Variants in TTLL6 observed in about 807,000 individuals in gnomAD.
TTLL6 encodes tubulin polyglutamylase TTLL6.
TTLL6 carries 75 observed loss-of-function variants against 96.4 expected under a neutral mutation model. The ratio of observed to expected loss-of-function variants is 0.78; its 90% CI spans 0.65 to 0.94. The LOEUF (loss-of-function observed/expected upper bound fraction) is 0.94, where lower values mean the gene tolerates loss of function less well. TTLL6 is among the 40% of genes least tolerant of loss of function. TTLL6 has a pLI of 0.00. For missense variants in TTLL6, 1,030 were observed against 1,093.0 expected, an observed-to-expected ratio of 0.94 and a Z score of 0.81; for synonymous variants, 411 against 419.4, an observed-to-expected ratio of 0.98 and a Z score of 0.24.
chr17:48,770,626 C>T (rs1470481458), intron 13 of TTLL6, among the ~76,000 whole-genome samples: 1 of 151,924 alleles, frequency 6.6e-6, no homozygotes, highest in Non-Finnish European at 1.5e-5. Flanking sequence ...AAGCAATCCT[C>T]CCACCTCAGT....
chr17:48,812,065 C>G lies in TTLL6; in HGVS notation c.103+4905G>C, dbSNP rs1433020435. 2 of 9,746 alleles carry G rather than the reference C, an allele frequency of 2.1e-4. 1 individual carries two copies. The highest frequency in any genetic ancestry group is 1.2e-3 in the Admixed American group (2 of 1,662). The allele number at this position is 9,746 out of a possible 1,614,324, so 0.6% of individuals were successfully genotyped here. A position where few individuals can be genotyped will look rare whatever the true frequency, so the allele number is the denominator to read the frequency against. ...AAATCTGACCCAGGTGATGCTGGGACCCCCCCCCCCACCCCCCGCTCAGAC... is the reference window on the plus strand; with the variant it reads ...AAATCTGACCCAGGTGATGCTGGGAGCCCCCCCCCCACCCCCCGCTCAGAC... On this transcript the variant is annotated intron_variant, in intron 1 of 15. Coordinates refer to ENST00000393382, the MANE Select transcript of TTLL6 (RefSeq NM_001130918.3).
chr17:48,817,185 T>G lies in TTLL6; in HGVS notation c.-113A>C. On this transcript the variant is annotated 5_prime_UTR_variant, in exon 1 of 16. Transcript: ENST00000393382. ...GCCTTCGATTGGCCCCTGCAGTAGC[T>G]GCCATGCCCCCTCCCTCCCGAATCC... 1.6e-6 allele frequency: 1 copy of G among 643,996 alleles called. No homozygotes were observed. Among genetic ancestry groups the G allele is most frequent in the Non-Finnish European group, 2.5e-6 (1 of 407,742 alleles). The allele number at this position is 643,996 out of a possible 1,614,324, so 39.9% of individuals were successfully genotyped here.
intron 1 of TTLL6, chr17:48,812,103 G>C (rs1297122196): frequency 8.3e-6 from 1 of 121,024 alleles, no homozygotes; most frequent in Non-Finnish European, 1.6e-5. Flanking sequence ...TTCAGATGTG[G>C]ACTTTATTTG....
intron 9 of TTLL6, among the ~76,000 whole-genome samples, chr17:48,790,760 G>A (rs1223865229): frequency 6.6e-6 from 1 of 152,202 alleles, no homozygotes; most frequent in African/African-American, 2.4e-5. Flanking sequence ...CCACCCCAGA[G>A]TCTGACCTGT....
intron 13 of TTLL6, among the ~76,000 whole-genome samples, chr17:48,771,645 A>G (rs769859922): frequency 6.7e-6 from 1 of 148,256 alleles, no homozygotes; most frequent in African/African-American, 2.5e-5. Context: ...TATATATATA[A>G]AATGTGTATA....
chr17:48,790,041 C>G lies in TTLL6; in HGVS notation c.1290G>C (p.Leu430=), dbSNP rs777826279. The G allele has an allele frequency of 5.0e-6, 8 of 1,614,104 alleles. No individual in the cohort carries two copies. Among genetic ancestry groups the G allele is most frequent in the African/African-American group, 1.3e-5 (1 of 74,942 alleles). ...RLDKEVKDGL[L]YDTLVLINLE... ...GGTTGATCAGGACTAAGGTGTCATA[C>G]AGCAGACCATCTTTCACCTCTTTAT... Residue 430 remains leucine (L), a synonymous_variant, in exon 10 of 16, where the codon CTG becomes CTC. Coordinates refer to ENST00000393382, the MANE Select transcript of TTLL6 (RefSeq NM_001130918.3).
intron 1 of TTLL6, among the ~76,000 whole-genome samples, 194 bp downstream of exon 1, chr17:48,816,776 G>T (rs567310550): frequency 6.6e-6 from 1 of 152,096 alleles, no homozygotes; most frequent in Non-Finnish European, 1.5e-5. Flanking sequence ...GACTGAGAAG[G>T]GGGGAGTCCC....
chr17:48,769,801 C>T lies in TTLL6; in HGVS notation c.2337G>A (p.Lys779=), dbSNP rs2038697835. Residue 779 remains lysine (K), a synonymous_variant, in exon 14 of 16, where the codon AAG becomes AAA. Transcript: ENST00000393382. ...AGGAGAGCTTCCCACTCAGTTGAAG[C>T]TTGGTGAGTAGCTCGGATATCAAAT... ...KPHLISELLT[K]LQLSGKLSFF... is the part of the protein sequence containing the mutation. 1.2e-6 allele frequency: 2 copies of T among 1,614,224 alleles called. No homozygotes were observed. The highest frequency in any genetic ancestry group is 1.7e-6 in the Non-Finnish European group (2 of 1,180,046).
At chr17:48,787,779 C>T (rs956583940) in intron 11 of TTLL6, 32 bp downstream of exon 11, 24 of 1,597,338 alleles carry the variant, frequency 1.5e-5, no homozygotes, top group Admixed American at 3.4e-5. Flanking sequence ...CCCAGAACCC[C>T]TCCACCGACC....
intron 13 of TTLL6, among the ~76,000 whole-genome samples, chr17:48,778,219 G>A (rs2038916526): frequency 6.7e-6 from 1 of 150,170 alleles, no homozygotes; most frequent in Non-Finnish European, 1.5e-5. Context: ...AGAGGTTGTA[G>A]TAAGCCAAGA....
At chr17:48,771,244 T>C (rs551865557) in intron 13 of TTLL6, among the ~76,000 whole-genome samples, 24 of 152,258 alleles carry the variant, frequency 1.6e-4, no homozygotes, top group South Asian at 1.2e-3. Flanking sequence ...CAATAAAAAA[T>C]AGCACTGGAG....
At chr17:48,767,010 G>A (rs376676087) in intron 15 of TTLL6, among the ~76,000 whole-genome samples, 4 of 152,248 alleles carry the variant, frequency 2.6e-5, no homozygotes. Flanking sequence ...GCGCAGTGGC[G>A]TGATCTCGGC....
chr17:48,808,374 A>ATATGTG (rs150374619), intron 1 of TTLL6, among the ~76,000 whole-genome samples: 1 of 148,612 alleles, frequency 6.7e-6, no homozygotes, highest in Non-Finnish European at 1.5e-5. Flanking sequence ...TCTCATATGT[A>ATATGTG]TGTGTGTGTG....
intron 3 of TTLL6, among the ~76,000 whole-genome samples, chr17:48,802,106 GAAA>G (rs1856531723): frequency 1.2e-5 from 1 of 82,632 alleles, no homozygotes; most frequent in Non-Finnish European, 3.6e-5. Flanking sequence ...AAGAAAGAAA[GAAA>G]GAAAGAAAGA....
chr17:48,763,078 C>T (rs1035883108), intron 15 of TTLL6, 105 bp from the exon 16 acceptor site: 8 of 366,458 alleles, frequency 2.2e-5, no homozygotes, highest in Non-Finnish European at 3.7e-5. Context: ...GATCAAGAGA[C>T]GCTTAGGTGA....
rs902210423 is a variant in TTLL6 at position 48,817,096 on chromosome 17, C to A, written c.-24G>T. ...ATTGGCTGCCAGACAGCCCCAACCC[C>A]AACCCGCGCTCGCCCTAACTTTGGG... On this transcript the variant is annotated 5_prime_UTR_variant, in exon 1 of 16. Transcript: ENST00000393382. 3.3e-6 allele frequency: 5 copies of A among 1,523,518 alleles called. No homozygotes were observed. In the African/African-American group the frequency reaches 5.5e-5, roughly 17 times the overall value. 94.4% of individuals were successfully genotyped at this position (1,523,518 alleles called of 1,614,324 possible). A position where few individuals can be genotyped will look rare whatever the true frequency, so the allele number is the denominator to read the frequency against.
chr17:48,794,634 G>A (rs1341354851), intron 8 of TTLL6, among the ~76,000 whole-genome samples: 2 of 152,352 alleles, frequency 1.3e-5, no homozygotes, highest in Admixed American at 1.3e-4. Context: ...AGGCAGCACA[G>A]GTGGCTGACA....
intron 13 of TTLL6, among the ~76,000 whole-genome samples, chr17:48,775,910 A>T (rs2038861219): frequency 6.6e-6 from 1 of 152,152 alleles, no homozygotes; most frequent in Non-Finnish European, 1.5e-5. Context: ...AATCTGATAA[A>T]GGGCATCTAC....
intron 13 of TTLL6, among the ~76,000 whole-genome samples, chr17:48,772,729 CA>C (rs34457188): frequency 0.052 from 3,237 of 62,646 alleles, 66 homozygotes; most frequent in African/African-American, 0.14. Flanking sequence ...GACTCCGTCT[CA>C]AAAAAAAAAA....
Sources: gnomAD v4.1 joint callset for allele counts (sites outside exome capture counted in the v4.1 genomes callset) on GRCh38, gnomAD v4.1.1 for gene constraint, MANE v1.5 for transcripts, NCBI Gene and HGNC (gene_info 2026-07-23, HGNC 2026-07-21) for gene names.